ANXA2: variants seen among roughly 807,000 people sequenced by gnomAD.
ANXA2 encodes the protein annexin II.
Under a neutral mutation model 47.3 loss-of-function variants are expected in ANXA2, and 28 were observed. That is an observed-to-expected ratio of 0.59 (90% confidence interval 0.44 to 0.81). The LOEUF is 0.81. Ranked by LOEUF, ANXA2 falls within the 40% of genes least tolerant of loss-of-function variation. ANXA2 has a pLI of 0.00. For missense variants in ANXA2, 384 were observed against 414.3 expected, an observed-to-expected ratio of 0.93 and a Z score of 0.64; for synonymous variants, 172 against 155.5, an observed-to-expected ratio of 1.11 and a Z score of -0.79.
intron 3 of ANXA2, among the ~76,000 whole-genome samples, chr15:60,371,314 G>T (rs1267680551): frequency 6.6e-6 from 1 of 152,202 alleles, no homozygotes; most frequent in African/African-American, 2.4e-5. Context: ...TGACAGCAAG[G>T]TGCCAGTAGA....
At chr15:60,360,876 C>G (rs2062502088) in intron 5 of ANXA2, 65 bp downstream of exon 5, 1 of 1,049,192 alleles carries the variant, frequency 9.5e-7, no homozygotes, top group Middle Eastern at 2.4e-4. Flanking sequence ...AAATTACACT[C>G]AGAAAGCTGT....
At chr15:60,354,073 C>A in intron 8 of ANXA2, 81 bp downstream of exon 8, 1 of 1,121,806 alleles carries the variant, frequency 8.9e-7, no homozygotes, top group South Asian at 1.4e-5. Context: ...AGTCATTTGT[C>A]ACACAGAGTT....
chr15:60,391,499 C>A (rs1403732149), intron 1 of ANXA2, among the ~76,000 whole-genome samples: 2 of 152,058 alleles, frequency 1.3e-5, no homozygotes, highest in African/African-American at 4.8e-5. Flanking sequence ...CTGTGGGGAA[C>A]CTAAAATATA....
chr15:60,366,085 G>C (rs973738604), intron 3 of ANXA2, among the ~76,000 whole-genome samples: 6 of 128,734 alleles, frequency 4.7e-5, no homozygotes, highest in East Asian at 2.1e-4. Context: ...TCCTAACCGC[G>C]AGTGATCCGC....
chr15:60,380,895 G>C (rs568757152), intron 3 of ANXA2, among the ~76,000 whole-genome samples: 1 of 151,896 alleles, frequency 6.6e-6, no homozygotes, highest in East Asian at 1.9e-4. Context: ...CAGTCATCTG[G>C]GGGGTGGTCC....
intron 1 of ANXA2, among the ~76,000 whole-genome samples, chr15:60,390,868 T>C (rs2063000031): frequency 6.6e-6 from 1 of 152,260 alleles, no homozygotes; most frequent in Admixed American, 6.5e-5. Flanking sequence ...TGCGATTCAC[T>C]GTTTGTTAAA....
chr15:60,369,508 C>A (rs1566940141), intron 3 of ANXA2, among the ~76,000 whole-genome samples: 2 of 152,210 alleles, frequency 1.3e-5, no homozygotes, highest in Non-Finnish European at 2.9e-5. Context: ...TGAAGGCATA[C>A]CAAGAACAGT....
chr15:60,379,982 A>G (rs1308282922), intron 3 of ANXA2, among the ~76,000 whole-genome samples: 4 of 152,226 alleles, frequency 2.6e-5, no homozygotes, highest in Admixed American at 2.0e-4. Flanking sequence ...TCTTTGTCCC[A>G]TGCTTGTGAA....
In ANXA2 at chr15:60,352,524, C is replaced by G. The variant is rs377502196; in HGVS notation, c.589-48G>C. ...AAAGTTAACTACACATCCAATGTAA[C>G]GTCAAAAAAAATGTCATGCAAAAAA... On this transcript the variant is annotated intron_variant, in intron 8 of 12. Coordinates refer to ENST00000451270, the MANE Select transcript of ANXA2 (RefSeq NM_004039.3). This position sits in a 1 kb window ranked among gnomAD's most constrained non-coding sequence, Gnocchi z 4.2. The G allele has an allele frequency of 7.4e-7, 1 of 1,352,784 alleles. No homozygotes were observed. The highest frequency in any genetic ancestry group is 1.0e-6 in the Non-Finnish European group (1 of 965,440). The allele number at this position is 1,352,784 out of a possible 1,614,324, so 83.8% of individuals were successfully genotyped here.
In ANXA2 at chr15:60,347,489, A is replaced by G. The variant is rs555028596; in HGVS notation, c.*141T>C. On this transcript the variant is annotated 3_prime_UTR_variant, in exon 13 of 13. Transcript: ENST00000451270. ...AGGAAGGCCAGGCAATGCTTAGGCA[A>G]CTAAAATGAGGTTGGGGGTAATGCT... 2.1e-5 allele frequency: 15 copies of G among 729,122 alleles called. No homozygotes were observed. The highest frequency in any genetic ancestry group is 3.0e-5 in the Non-Finnish European group (13 of 430,114). 45.2% of individuals were successfully genotyped at this position (729,122 alleles called of 1,614,324 possible). A position where few individuals can be genotyped will look rare whatever the true frequency, so the allele number is the denominator to read the frequency against.
intron 5 of ANXA2, among the ~76,000 whole-genome samples, chr15:60,360,133 G>A (rs1303148811): frequency 3.9e-5 from 6 of 152,188 alleles, no homozygotes; most frequent in Non-Finnish European, 8.8e-5. Flanking sequence ...GCGCATGCCT[G>A]TAATCCCAGC....
intron 11 of ANXA2, among the ~76,000 whole-genome samples, chr15:60,349,729 A>G (rs932121069): frequency 2.1e-5 from 3 of 143,554 alleles, no homozygotes; most frequent in African/African-American, 8.3e-5. Context: ...AGGGAAAGAC[A>G]GAGAGAGAGA....
chr15:60,368,074 G>A (rs1422085376), intron 3 of ANXA2, among the ~76,000 whole-genome samples: 2 of 132,730 alleles, frequency 1.5e-5, no homozygotes, highest in African/African-American at 2.9e-5. Context: ...GATTAAGGGC[G>A]GTGCAAGATG....
At chr15:60,392,733 T>C (rs1330307412) in intron 1 of ANXA2, among the ~76,000 whole-genome samples, 1 of 152,232 alleles carries the variant, frequency 6.6e-6, no homozygotes, top group East Asian at 1.9e-4. Flanking sequence ...ACACACCCAC[T>C]TCACAGTTTA....
intron 3 of ANXA2, among the ~76,000 whole-genome samples, chr15:60,374,029 C>T (rs1551347): frequency 0.81 from 123,769 of 152,176 alleles, 51,113 homozygotes; most frequent in Middle Eastern, 0.9. Flanking sequence ...CTCTCCCAAG[C>T]CTGGCACAGC....
chr15:60,396,856 T>C (rs1159114215), intron 1 of ANXA2, among the ~76,000 whole-genome samples: 1 of 152,206 alleles, frequency 6.6e-6, no homozygotes, highest in African/African-American at 2.4e-5. Flanking sequence ...CACTGCTCTT[T>C]TACACACGCA....
chr15:60,395,285 T>G (rs2063067219), intron 1 of ANXA2, among the ~76,000 whole-genome samples: 1 of 152,034 alleles, frequency 6.6e-6, no homozygotes, highest in African/African-American at 2.4e-5. Context: ...TTGGCGGGGG[T>G]CTGTTTTGTT....
intron 3 of ANXA2, among the ~76,000 whole-genome samples, chr15:60,368,672 A>G (rs2062672231): frequency 6.6e-6 from 1 of 152,102 alleles, no homozygotes; most frequent in African/African-American, 2.4e-5. Context: ...TCAAAATTTT[A>G]ATAGTGATCA....
chr15:60,354,634 A>AAAAG (rs1566931407), intron 7 of ANXA2, among the ~76,000 whole-genome samples: 5 of 150,828 alleles, frequency 3.3e-5, no homozygotes, highest in African/African-American at 9.7e-5. Context: ...AAAAAAAAAA[A>AAAAG]AAAGAAAGAA....
Sources: gnomAD v4.1 joint callset for allele counts (sites outside exome capture counted in the v4.1 genomes callset) on GRCh38, gnomAD v4.1.1 for gene constraint, Gnocchi (gnomAD v3.1) non-coding constraint, MANE v1.5 for transcripts, NCBI Gene and HGNC (gene_info 2026-07-23, HGNC 2026-07-21) for gene names.